LRRC7: variants seen among roughly 807,000 people sequenced by gnomAD.
LRRC7 encodes leucine rich repeat containing 7, also known as leucine-rich repeat-containing protein 7.
LRRC7 carries 23 observed loss-of-function variants against 175.7 expected under a neutral mutation model. The observed-to-expected ratio is 0.13, with a 90% CI of 0.09 to 0.19. The LOEUF is 0.19. Among genes scored for constraint, LRRC7 ranks in the 10% least tolerant of loss-of-function variants. The pLI, the probability that LRRC7 is intolerant of heterozygous loss-of-function variation, is 1.00. For synonymous variants in LRRC7, 685 were observed against 680.9 expected (o/e 1.01, Z -0.09); for missense variants, 1,354 against 1,904.7 (o/e 0.71, Z 5.38).
intron 2 of LRRC7, among the ~76,000 whole-genome samples, chr1:69,720,732 T>C (rs972799056): frequency 7.2e-5 from 11 of 151,840 alleles, no homozygotes; most frequent in African/African-American, 2.4e-4. Context: ...CATTGTCTTC[T>C]AGCTTTCATC....
In LRRC7 at chr1:69,590,140, G is replaced by A. The variant is rs184454674; in HGVS notation, c.2+21499G>A. 3.7e-3 allele frequency among the ~76,000 whole-genome samples: 567 copies of A among 152,142 alleles called. 1 individual carries two copies. The highest frequency in any genetic ancestry group is 6.5e-3 in the Non-Finnish European group (440 of 67,978). ...CATAATATTATTAGTATAATCATCT[G>A]CAATTTGAAGATTCCACTGTTTCTT... On this transcript the variant is annotated intron_variant, in intron 1 of 26. Coordinates refer to ENST00000651989, the MANE Select transcript of LRRC7 (RefSeq NM_001370785.2).
At chr1:70,057,218 A>G (rs1661223687) in intron 23 of LRRC7, among the ~76,000 whole-genome samples, 1 of 152,228 alleles carries the variant, frequency 6.6e-6, no homozygotes, top group African/African-American at 2.4e-5. Context: ...AGAGAGAATA[A>G]GGACCACTTT....
chr1:70,034,705 G>GTA (rs1350172337), intron 18 of LRRC7, among the ~76,000 whole-genome samples: 3 of 152,170 alleles, frequency 2.0e-5, no homozygotes, highest in Non-Finnish European at 4.4e-5. Flanking sequence ...AATCATCTGT[G>GTA]TAACCTAGGC....
chr1:70,029,715 A>G (rs568481321), intron 18 of LRRC7, among the ~76,000 whole-genome samples: 1 of 152,284 alleles, frequency 6.6e-6, no homozygotes, highest in East Asian at 1.9e-4. Context: ...TCCTGTAATC[A>G]CAGTTTAACA....
At chr1:69,681,280 A>G (rs1173720613) in intron 2 of LRRC7, among the ~76,000 whole-genome samples, 4 of 152,154 alleles carry the variant, frequency 2.6e-5, no homozygotes, top group Non-Finnish European at 5.9e-5. Flanking sequence ...TTCGAAAACT[A>G]TCATAGAAAG....
chr1:70,072,123 C>G (rs939325827), intron 23 of LRRC7, among the ~76,000 whole-genome samples: 2 of 152,144 alleles, frequency 1.3e-5, no homozygotes, highest in Non-Finnish European at 2.9e-5. Flanking sequence ...AAACAACATA[C>G]TCCATCACTA....
chr1:69,735,073 C>T (rs1045594861), intron 2 of LRRC7, among the ~76,000 whole-genome samples: 5 of 151,912 alleles, frequency 3.3e-5, no homozygotes, highest in African/African-American at 4.8e-5. Flanking sequence ...TATTATGATA[C>T]TTCCTCTTTA....
At chr1:69,832,122 A>G (rs145954147) in intron 5 of LRRC7, among the ~76,000 whole-genome samples, 3 of 152,320 alleles carry the variant, frequency 2.0e-5, no homozygotes, top group South Asian at 2.1e-4. Flanking sequence ...CCCAGGAAAT[A>G]CTTGTTGAGA....
chr1:70,011,717 G>T, intron 11 of LRRC7, 80 bp from the exon 12 acceptor site: 1 of 963,910 alleles, frequency 1.0e-6, no homozygotes. Context: ...TTGTTTTGGT[G>T]AATTTTGGAT....
chr1:69,733,248 T>C (rs1667773435), intron 2 of LRRC7, among the ~76,000 whole-genome samples: 1 of 152,058 alleles, frequency 6.6e-6, no homozygotes, highest in South Asian at 2.1e-4. Flanking sequence ...AATGGAATTC[T>C]GGCAAGATTC....
intron 7 of LRRC7, among the ~76,000 whole-genome samples, chr1:69,865,729 C>T (rs1411453295): frequency 6.6e-6 from 1 of 151,942 alleles, no homozygotes; most frequent in Non-Finnish European, 1.5e-5. Context: ...ATCTGCCCGC[C>T]TCAGCCTCCC....
At chr1:70,097,524 A>G (rs893576739) in intron 25 of LRRC7, among the ~76,000 whole-genome samples, 9 of 151,790 alleles carry the variant, frequency 5.9e-5, no homozygotes, top group African/African-American at 2.2e-4. Context: ...GGTTAGTTAC[A>G]TACGTATACA....
At chr1:70,089,703 C>A in intron 24 of LRRC7, 24 bp from the exon 25 acceptor site, 2 of 1,455,454 alleles carry the variant, frequency 1.4e-6, no homozygotes, top group South Asian at 1.2e-5. Context: ...TGTTTACTTA[C>A]CATTTTATAT....
At chr1:70,114,815 T>C (rs1184100720) in intron 26 of LRRC7, among the ~76,000 whole-genome samples, 1 of 152,194 alleles carries the variant, frequency 6.6e-6, no homozygotes, top group Non-Finnish European at 1.5e-5. Flanking sequence ...GAAATGCTTT[T>C]TGAAAATCAA....
intron 7 of LRRC7, among the ~76,000 whole-genome samples, chr1:69,840,833 G>T (rs1681639384): frequency 6.6e-6 from 1 of 151,954 alleles, no homozygotes; most frequent in South Asian, 2.1e-4. Context: ...TAACTAGATT[G>T]CCAAAAGGAA....
chr1:69,825,468 T>G (rs1429531138), intron 4 of LRRC7, among the ~76,000 whole-genome samples: 1 of 152,118 alleles, frequency 6.6e-6, no homozygotes, highest in Non-Finnish European at 1.5e-5. Context: ...ATCAAAGATT[T>G]ATCTTAGGCC....
intron 23 of LRRC7, 38 bp from the exon 24 acceptor site, chr1:70,076,038 CA>C (rs1422995877): frequency 6.2e-7 from 1 of 1,604,106 alleles, no homozygotes; most frequent in Non-Finnish European, 8.5e-7. Flanking sequence ...ATCCTTTCAG[CA>C]CCATGAATCT....
intron 1 of LRRC7, among the ~76,000 whole-genome samples, chr1:69,645,562 T>A (rs1186231617): frequency 6.6e-6 from 1 of 152,086 alleles, no homozygotes; most frequent in African/African-American, 2.4e-5. Flanking sequence ...TTCTTCACTT[T>A]TAGAATGAGG....
intron 7 of LRRC7, among the ~76,000 whole-genome samples, chr1:69,860,495 G>A (rs182670301): frequency 6.6e-6 from 1 of 152,056 alleles, no homozygotes; most frequent in East Asian, 1.9e-4. Flanking sequence ...AACGATGAGT[G>A]ACAGTTATAT....
Sources: allele counts gnomAD v4.1 joint callset (sites outside exome capture counted in the v4.1 genomes callset), GRCh38; gene constraint gnomAD v4.1.1; transcripts MANE v1.5; gene names NCBI Gene and HGNC (gene_info 2026-07-23, HGNC 2026-07-21).